ARMC8: variants seen among roughly 807,000 people sequenced by gnomAD.
ARMC8 encodes armadillo repeat-containing protein 8.
ARMC8 carries 20 observed loss-of-function variants against 99.3 expected under a neutral mutation model. The observed-to-expected ratio is 0.20, with a 90% CI of 0.14 to 0.29. ARMC8 has a LOEUF of 0.29. Among genes scored for constraint, ARMC8 ranks in the 10% least tolerant of loss-of-function variants. The pLI is 1.00. For missense variants in ARMC8, 569 were observed against 809.5 expected, an observed-to-expected ratio of 0.70 and a Z score of 3.60; for synonymous variants, 263 against 278.3, an observed-to-expected ratio of 0.95 and a Z score of 0.55.
intron 12 of ARMC8, among the ~76,000 whole-genome samples, chr3:138,251,040 A>G (rs1449154955): frequency 2.0e-5 from 3 of 151,900 alleles, no homozygotes; most frequent in Non-Finnish European, 2.9e-5. Flanking sequence ...GGTCCCAGCT[A>G]TTTGGGAGGC....
At chr3:138,212,695 A>G (rs1329073041) in intron 2 of ARMC8, among the ~76,000 whole-genome samples, 1 of 152,150 alleles carries the variant, frequency 6.6e-6, no homozygotes, top group African/African-American at 2.4e-5. Context: ...TTTGATTTTT[A>G]TACACCTCAC....
At chr3:138,204,921 A>G (rs1289488918) in intron 1 of ARMC8, among the ~76,000 whole-genome samples, 1 of 152,090 alleles carries the variant, frequency 6.6e-6, no homozygotes, top group African/African-American at 2.4e-5. Flanking sequence ...CCAACTTGAC[A>G]TCCTCACTTG....
intron 2 of ARMC8, among the ~76,000 whole-genome samples, chr3:138,221,088 A>T (rs1467173066): frequency 1.3e-5 from 2 of 152,140 alleles, no homozygotes; most frequent in Non-Finnish European, 2.9e-5. Flanking sequence ...CAAATTTGTG[A>T]GCCAAGTGAT....
chr3:138,254,526 G>A (rs1009300502), intron 12 of ARMC8, among the ~76,000 whole-genome samples: 2 of 152,188 alleles, frequency 1.3e-5, no homozygotes, highest in Non-Finnish European at 2.9e-5. Flanking sequence ...GGAAGTCTCA[G>A]TTGTTTGCAT....
chr3:138,255,868 TACTC>T (rs1299922896), intron 12 of ARMC8, among the ~76,000 whole-genome samples: 3 of 152,106 alleles, frequency 2.0e-5, no homozygotes, highest in South Asian at 2.1e-4. Context: ...TAATCTCAGT[TACTC>T]AGGAGGCTGA....
rs73227569 is a variant in ARMC8 at position 138,278,100 on chromosome 3, G to T, written c.1725+3556G>T. Among the ~76,000 whole-genome samples, 231 of 152,336 alleles carry T rather than the reference G, an allele frequency of 1.5e-3. 1 individual carries two copies. The highest frequency in any genetic ancestry group is 2.3e-3 in the Non-Finnish European group (156 of 68,032). ...AAATCAAAGGTATCCAAGCCTTAAAGGTTGGGGGCAGGATTTGACTATAAA... is the reference window on the plus strand; with the variant it reads ...AAATCAAAGGTATCCAAGCCTTAAATGTTGGGGGCAGGATTTGACTATAAA... On this transcript the variant is annotated intron_variant, in intron 18 of 21. Transcript: ENST00000469044.
chr3:138,188,378 GTTTT>G (rs372071706), intron 1 of ARMC8: 4 of 1,111,016 alleles, frequency 3.6e-6, no homozygotes, highest in Non-Finnish European at 4.8e-6. Flanking sequence ...AGTAAAACCT[GTTTT>G]TTTTTTTTTT....
chr3:138,187,697 C>A (rs755648341), intron 1 of ARMC8, 98 bp downstream of exon 1: 8 of 1,324,890 alleles, frequency 6.0e-6, no homozygotes, highest in Non-Finnish European at 8.4e-6. Flanking sequence ...GGCACCACCC[C>A]CTGGGGTGGA....
chr3:138,264,412 C>CTTTTTTTTTTTTTT (rs11298899), intron 14 of ARMC8, among the ~76,000 whole-genome samples, 200 bp downstream of exon 14: 1 of 48,630 alleles, frequency 2.1e-5, no homozygotes, highest in African/African-American at 7.7e-5. Flanking sequence ...GATTTTCTTT[C>CTTTTTTTTTTTTTT]TTTTTTTTTT....
At position 138,237,519 on chromosome 3, in the gene ARMC8, G is replaced by A; in HGVS notation, c.723G>A (p.Val241=). The change falls in exon 9 of 22, where the codon GTG becomes GTA. Residue 241 remains valine, a synonymous_variant. Coordinates refer to ENST00000469044, the MANE Select transcript of ARMC8 (RefSeq NM_001363941.2). ...VDGELLPQIF[V]KMLQRDKPIE... ...GAGAATTGTTACCACAGATTTTTGT[G>A]AAGATGTTACAGAGGGATAAGCCTA... 6.2e-7 allele frequency: 1 copy of A among 1,613,896 alleles called. No individual in the cohort carries two copies. The highest frequency in any genetic ancestry group is 8.5e-7 in the Non-Finnish European group (1 of 1,179,972).
chr3:138,192,997 T>A (rs2043479359), intron 1 of ARMC8, among the ~76,000 whole-genome samples: 1 of 151,988 alleles, frequency 6.6e-6, no homozygotes, highest in South Asian at 2.1e-4. Context: ...GATATGTGTT[T>A]CGCTCTTGTT....
At chr3:138,194,406 C>T (rs1186398147) in intron 1 of ARMC8, among the ~76,000 whole-genome samples, 5 of 141,964 alleles carry the variant, frequency 3.5e-5, no homozygotes, top group African/African-American at 5.3e-5. Context: ...GGCGCGATCT[C>T]GGGTCACTGC....
At chr3:138,294,109 CAGA>C (rs767723036) in intron 21 of ARMC8, among the ~76,000 whole-genome samples, 1 of 152,236 alleles carries the variant, frequency 6.6e-6, no homozygotes. Flanking sequence ...GAATAAGATC[CAGA>C]AGGAGTTTGA....
At chr3:138,293,269 C>T (rs558425436) in intron 21 of ARMC8, among the ~76,000 whole-genome samples, 58 of 152,284 alleles carry the variant, frequency 3.8e-4, no homozygotes, top group African/African-American at 1.1e-3. Flanking sequence ...AGGCTGGGCG[C>T]GGTGGCTCAC....
intron 12 of ARMC8, among the ~76,000 whole-genome samples, chr3:138,256,705 C>T (rs1307240220): frequency 1.3e-5 from 2 of 152,082 alleles, no homozygotes; most frequent in African/African-American, 2.4e-5. Flanking sequence ...CCACCGCGCC[C>T]GGCCTTTTTT....
At chr3:138,208,221 A>T (rs2044492378) in intron 1 of ARMC8, among the ~76,000 whole-genome samples, 3 of 152,160 alleles carry the variant, frequency 2.0e-5, no homozygotes, top group Non-Finnish European at 4.4e-5. Flanking sequence ...TAATCCCAGC[A>T]CTTTGGGAGG....
chr3:138,254,630 A>G (rs1349077928), intron 12 of ARMC8, among the ~76,000 whole-genome samples: 1 of 152,242 alleles, frequency 6.6e-6, no homozygotes, highest in Non-Finnish European at 1.5e-5. Flanking sequence ...ACTAAACTTT[A>G]TGAAATTGAA....
rs561966660 is a variant in ARMC8 at position 138,289,507 on chromosome 3, A to T, written c.1894+387A>T. On this transcript the variant is annotated intron_variant, in intron 20 of 21. Coordinates refer to ENST00000469044, the MANE Select transcript of ARMC8 (RefSeq NM_001363941.2). ...ATATGAGGACTACAGGCAGATAAGC[A>T]TGATGGAGAAGAAGGTGCATTTGTG... 5.3e-5 allele frequency among the ~76,000 whole-genome samples: 8 copies of T among 152,318 alleles called. No individual in the cohort carries two copies. The South Asian group carries it at 1.5e-3, about 28-fold the overall frequency.
At chr3:138,212,774 A>G (rs1049354610) in intron 2 of ARMC8, among the ~76,000 whole-genome samples, 3 of 152,242 alleles carry the variant, frequency 2.0e-5, no homozygotes, top group African/African-American at 7.2e-5. Context: ...GTAGGTAGAA[A>G]GATGGCCACA....
Sources: gnomAD v4.1 joint callset for allele counts (sites outside exome capture counted in the v4.1 genomes callset) on GRCh38, gnomAD v4.1.1 for gene constraint, MANE v1.5 for transcripts, NCBI Gene and HGNC (gene_info 2026-07-23, HGNC 2026-07-21) for gene names.